DDAH1: variants seen among roughly 807,000 people sequenced by gnomAD.
DDAH1 encodes the protein N(G),N(G)-dimethylarginine dimethylaminohydrolase 1.
Under a neutral mutation model 28.8 loss-of-function variants are expected in DDAH1, and 19 were observed. That is an observed-to-expected ratio of 0.66 (90% confidence interval 0.46 to 0.97). The LOEUF (loss-of-function observed/expected upper bound fraction) is 0.97. DDAH1 is among the 50% of genes least tolerant of loss of function. The pLI, the probability that DDAH1 is intolerant of heterozygous loss-of-function variation, is 0.00. For missense variants in DDAH1, 326 were observed against 375.9 expected (o/e 0.87, Z 1.10); for synonymous variants, 153 against 154.4 (o/e 0.99, Z 0.07).
chr1:85,560,247 A>C (rs965822553), intron 1 of DDAH1, among the ~76,000 whole-genome samples: 1 of 152,162 alleles, frequency 6.6e-6, no homozygotes, highest in African/African-American at 2.4e-5. Flanking sequence ...AAATGAAGGC[A>C]AAATAAAAAC....
At chr1:85,439,055 C>T (rs1654074075) in intron 1 of DDAH1, among the ~76,000 whole-genome samples, 1 of 152,162 alleles carries the variant, frequency 6.6e-6, no homozygotes, top group South Asian at 2.1e-4. Context: ...GTGATAATAT[C>T]AAATTCATAG....
rs565939358 is a variant in DDAH1 at position 85,415,570 on chromosome 1, C to T, written c.303+49173G>A. On this transcript the variant is annotated intron_variant, in intron 1 of 5. Transcript: ENST00000284031. ...CTGAATATATTCATACATTGAAATA[C>T]ATCATACAGTAATGTTAAGTAAAAT... 8.6e-4 allele frequency among the ~76,000 whole-genome samples: 131 copies of T among 152,202 alleles called. 1 individual carries two copies. The Middle Eastern group carries it at 0.01, about 12-fold the overall frequency.
chr1:85,416,070 T>C (rs532581260), intron 1 of DDAH1, among the ~76,000 whole-genome samples: 3 of 152,290 alleles, frequency 2.0e-5, no homozygotes, highest in South Asian at 2.1e-4. Context: ...AATTTATTAA[T>C]ACTGATGCTC....
intron 1 of DDAH1, among the ~76,000 whole-genome samples, chr1:85,506,398 C>A (rs932181236): frequency 2.0e-5 from 3 of 152,160 alleles, no homozygotes; most frequent in Admixed American, 1.3e-4. Context: ...AAATAAATGA[C>A]CATTAGCATT....
chr1:85,552,751 A>G (rs895671035), intron 1 of DDAH1, among the ~76,000 whole-genome samples: 1 of 152,316 alleles, frequency 6.6e-6, no homozygotes, highest in African/African-American at 2.4e-5. Flanking sequence ...ACTCTTGGAC[A>G]AGAATCAGGT....
chr1:85,508,432 C>A lies in DDAH1; in HGVS notation c.-122-12151G>T, dbSNP rs1382250726. On this transcript the variant is annotated intron_variant, in intron 1 of 6. Coordinates refer to the DDAH1 transcript ENST00000426972. ...TGAAGACGGGTGATTTCCGCATTTC[C>A]AACTGCAGTACCTGGTTCATCTCAT... is the stretch of plus-strand genomic sequence containing the variant. Among the ~76,000 whole-genome samples the A allele has an allele frequency of 2.0e-5, 3 of 152,308 alleles. No homozygotes were observed. In the East Asian group the frequency reaches 5.8e-4, roughly 29 times the overall value.
intron 1 of DDAH1, among the ~76,000 whole-genome samples, chr1:85,573,765 C>T (rs1027752955): frequency 3.3e-5 from 5 of 152,192 alleles, no homozygotes; most frequent in Admixed American, 1.3e-4. Flanking sequence ...AAGCCAATTC[C>T]AATTTTCTTA....
intron 1 of DDAH1, among the ~76,000 whole-genome samples, chr1:85,424,527 A>G (rs1653301572): frequency 1.3e-5 from 2 of 152,138 alleles, no homozygotes; most frequent in African/African-American, 4.8e-5. Context: ...CTTTGTAGAT[A>G]CAGAGATAGT....
At chr1:85,552,063 C>G (rs1014586089) in intron 1 of DDAH1, among the ~76,000 whole-genome samples, 4 of 152,154 alleles carry the variant, frequency 2.6e-5, no homozygotes, top group African/African-American at 9.7e-5. Context: ...TTGTCCTACC[C>G]AATATCCAAT....
intron 1 of DDAH1, among the ~76,000 whole-genome samples, chr1:85,460,243 C>A (rs914218330): frequency 6.6e-6 from 1 of 152,158 alleles, no homozygotes; most frequent in Admixed American, 6.5e-5. Context: ...AGAGAATAAA[C>A]CCAGAACCAA....
rs570573690 is a variant in DDAH1 at position 85,415,957 on chromosome 1, C to T, written c.303+48786G>A. 3.9e-5 allele frequency among the ~76,000 whole-genome samples: 6 copies of T among 152,060 alleles called. No homozygotes were observed. In the South Asian group the frequency reaches 1.2e-3, roughly 32 times the overall value. ...CATTTTAAAATGAATCAAATTCTTC[C>T]TGAATCCTACCATAGGAATTATCTA... On this transcript the variant is annotated intron_variant, in intron 1 of 5. Coordinates refer to ENST00000284031, the MANE Select transcript of DDAH1 (RefSeq NM_012137.4).
At chr1:85,543,073 G>A (rs1257925697) in intron 1 of DDAH1, among the ~76,000 whole-genome samples, 2 of 152,086 alleles carry the variant, frequency 1.3e-5, no homozygotes, top group Non-Finnish European at 2.9e-5. Flanking sequence ...CTGCTTCTCA[G>A]ATCTTTTTTT....
rs2892887 is a variant in DDAH1, at chr1:85,400,184, T to C, written c.304-41337A>G. Among the ~76,000 whole-genome samples the C allele has an allele frequency of 9.3e-3, 733 of 78,426 alleles. 2 individuals are homozygous for C. Among genetic ancestry groups the C allele is most frequent in the Middle Eastern group, 0.024 (2 of 84 alleles). The allele number at this position is 78,426 out of a possible 152,430, so 51.5% of individuals were successfully genotyped here. On this transcript the variant is annotated intron_variant, in intron 1 of 5. Coordinates refer to ENST00000284031, the MANE Select transcript of DDAH1 (RefSeq NM_012137.4). ...ATTCCTTTCTTTTCTTTTCTTTTTT[T>C]TTTTTTTTTTTTTTTTTTTTTTTTG...
At chr1:85,454,031 A>C (rs1654775171) in intron 1 of DDAH1, among the ~76,000 whole-genome samples, 1 of 152,086 alleles carries the variant, frequency 6.6e-6, no homozygotes, top group Admixed American at 6.5e-5. Flanking sequence ...GTGTCTGTGT[A>C]GGTCTCAGCC....
chr1:85,337,857 A>C (rs999774788), intron 4 of DDAH1, among the ~76,000 whole-genome samples: 1 of 152,168 alleles, frequency 6.6e-6, no homozygotes, highest in Non-Finnish European at 1.5e-5. Context: ...TAAAAGACAC[A>C]CTCACTCAGA....
chr1:85,359,893 ACAAATTG>A (rs1345813290), intron 1 of DDAH1, among the ~76,000 whole-genome samples: 1 of 152,260 alleles, frequency 6.6e-6, no homozygotes, highest in African/African-American at 2.4e-5. Flanking sequence ...GTGAAGCATA[ACAAATTG>A]AAGCTCACAA....
At chr1:85,414,221 T>C (rs1652784941) in intron 1 of DDAH1, among the ~76,000 whole-genome samples, 2 of 152,024 alleles carry the variant, frequency 1.3e-5, no homozygotes, top group Admixed American at 6.5e-5. Flanking sequence ...AAGAGAGCAT[T>C]GTAGATCAGC....
At chr1:85,460,738 G>A (rs189819115) in intron 1 of DDAH1, among the ~76,000 whole-genome samples, 1 of 152,344 alleles carries the variant, frequency 6.6e-6, no homozygotes, top group East Asian at 1.9e-4. Context: ...GGCATTAGTA[G>A]TTGCCTCTAA....
intron 1 of DDAH1, among the ~76,000 whole-genome samples, chr1:85,429,270 G>A (rs1653558877): frequency 6.6e-6 from 1 of 151,934 alleles, no homozygotes; most frequent in African/African-American, 2.4e-5. Context: ...GCAGTGTATG[G>A]TTTTCTGTTC....
Sources: allele counts gnomAD v4.1 joint callset (sites outside exome capture counted in the v4.1 genomes callset), GRCh38; gene constraint gnomAD v4.1.1; transcripts MANE v1.5; gene names NCBI Gene and HGNC (gene_info 2026-07-23, HGNC 2026-07-21).